Variants in IRAG1 observed in about 807,000 individuals in gnomAD.
IRAG1 encodes the protein inositol 1,4,5-triphosphate receptor associated 1, also known as IP3R-associated cGMP kinase substrate.
IRAG1 carries 62 observed loss-of-function variants against 106.2 expected under a neutral mutation model. The ratio of observed to expected loss-of-function variants is 0.58; its 90% CI spans 0.48 to 0.72. The LOEUF (loss-of-function observed/expected upper bound fraction) is 0.72, where lower values mean the gene tolerates loss of function less well. Among genes scored for constraint, IRAG1 ranks in the 30% least tolerant of loss-of-function variants. The pLI is 0.00. For synonymous variants in IRAG1, 462 were observed against 443.9 expected (o/e 1.04, Z -0.51); for missense variants, 1,064 against 1,140.7 (o/e 0.93, Z 0.97).
chr11:10,668,215 A>G (rs1486878116), intron 1 of IRAG1, among the ~76,000 whole-genome samples: 1 of 152,240 alleles, frequency 6.6e-6, no homozygotes, highest in Non-Finnish European at 1.5e-5. Flanking sequence ...GTTTAGTTGG[A>G]AACATAGACT....
chr11:10,614,646 C>A (rs915478114), intron 10 of IRAG1, among the ~76,000 whole-genome samples: 2 of 152,168 alleles, frequency 1.3e-5, no homozygotes, highest in South Asian at 2.1e-4. Context: ...CACACATCTA[C>A]AACCATCTGA....
At chr11:10,618,399 T>C (rs1855590892) in intron 10 of IRAG1, among the ~76,000 whole-genome samples, 1 of 152,216 alleles carries the variant, frequency 6.6e-6, no homozygotes, top group Non-Finnish European at 1.5e-5. Flanking sequence ...AGCTTATTCG[T>C]TCATACATTT....
At chr11:10,640,140 G>A (rs985042634) in intron 2 of IRAG1, among the ~76,000 whole-genome samples, 1 of 152,188 alleles carries the variant, frequency 6.6e-6, no homozygotes, top group Admixed American at 6.5e-5. Flanking sequence ...GCACGGGAGT[G>A]AGCTGCCTTC....
intron 9 of IRAG1, 116 bp downstream of exon 9, chr11:10,625,850 A>T: frequency 9.2e-7 from 1 of 1,092,180 alleles, no homozygotes; most frequent in Non-Finnish European, 1.2e-6. Flanking sequence ...CGCCCTCACA[A>T]GGCCCAAGTC....
rs903600506 is a variant in IRAG1, at chr11:10,626,595, A to G, written c.751-12T>C. 4 of 1,584,794 alleles carry G rather than the reference A, an allele frequency of 2.5e-6. No individual in the cohort carries two copies. The Admixed American group carries it at 5.2e-5, about 21-fold the overall frequency. On this transcript the variant is annotated splice_polypyrimidine_tract_variant and intron_variant, in intron 8 of 20. Transcript: ENST00000423302. ...CCTTTGGGGACGTTCTGAAAAAGACAAGGTAGAGCTGGAACCCTCGGGGGC... is the reference window on the plus strand; with the variant it reads ...CCTTTGGGGACGTTCTGAAAAAGACGAGGTAGAGCTGGAACCCTCGGGGGC...
intron 13 of IRAG1, among the ~76,000 whole-genome samples, chr11:10,604,077 G>C (rs1032884402): frequency 7.9e-5 from 12 of 152,350 alleles, no homozygotes; most frequent in African/African-American, 2.9e-4. Flanking sequence ...TGCAGGGCCT[G>C]GGCCACAGTT....
chr11:10,690,077 A>G (rs1861944533), intron 1 of IRAG1, among the ~76,000 whole-genome samples: 1 of 152,316 alleles, frequency 6.6e-6, no homozygotes, highest in South Asian at 2.1e-4. Flanking sequence ...CTTTTTTTAC[A>G]TGTCTTCTCC....
At chr11:10,592,034 C>A (rs1383514200) in intron 17 of IRAG1, among the ~76,000 whole-genome samples, 1 of 152,160 alleles carries the variant, frequency 6.6e-6, no homozygotes, top group Non-Finnish European at 1.5e-5. Context: ...GCTCCAGGTA[C>A]AATTCTCAGG....
Position 10,593,525 on chromosome 11 carries a change from G to A in IRAG1, c.2142C>T (p.Pro714=). ...FNALNLPGQT[P]SSSSIPSLPA... ...GTAAGGAGGGAATGGATGATGAGCTGGGAGTTTGGCCAGGCAGATTCAGGG... is the reference window on the plus strand; with the variant it reads ...GTAAGGAGGGAATGGATGATGAGCTAGGAGTTTGGCCAGGCAGATTCAGGG... The change falls in exon 17 of 21, where the codon CCC becomes CCT. Residue 714 remains proline, a synonymous_variant. Coordinates refer to ENST00000423302, the MANE Select transcript of IRAG1 (RefSeq NM_130385.4). The A allele has an allele frequency of 1.9e-6, 3 of 1,613,780 alleles. No homozygotes were observed. The East Asian group carries it at 6.7e-5, about 36-fold the overall frequency.
intron 19 of IRAG1, among the ~76,000 whole-genome samples, chr11:10,581,303 T>C (rs1165611804): frequency 6.6e-6 from 1 of 152,004 alleles, no homozygotes; most frequent in Non-Finnish European, 1.5e-5. Context: ...AGGAGACGCA[T>C]AGGGCACCAT....
In IRAG1 at chr11:10,622,876, G is replaced by GACACACAC. The variant is rs10525799; in HGVS notation, c.1447+894_1447+901dup. ...GTGCCAGGCATTGTTGTAAGCAGTG[G>GACACACAC]ACACACACACACACACACACACACA... is the stretch of plus-strand genomic sequence containing the variant. On this transcript the variant is annotated intron_variant, in intron 10 of 20. Transcript: ENST00000423302. Among the ~76,000 whole-genome samples the GACACACAC allele has an allele frequency of 5.1e-3, 721 of 141,484 alleles. 13 individuals carry two copies. Among genetic ancestry groups the GACACACAC allele is most frequent in the African/African-American group, 0.017 (657 of 38,558 alleles). 92.8% of individuals were successfully genotyped at this position (141,484 alleles called of 152,430 possible). A position where few individuals can be genotyped will look rare whatever the true frequency, so the allele number is the denominator to read the frequency against.
chr11:10,628,922 A>ATAC lies in IRAG1; in HGVS notation c.575-95_575-94insGTA. 8.1e-7 allele frequency: 1 copy of ATAC among 1,241,318 alleles called. No homozygotes were observed. Among genetic ancestry groups the ATAC allele is most frequent in the Non-Finnish European group, 1.1e-6 (1 of 884,756 alleles). 76.9% of individuals were successfully genotyped at this position (1,241,318 alleles called of 1,614,324 possible). A position where few individuals can be genotyped will look rare whatever the true frequency, so the allele number is the denominator to read the frequency against. ...TTTTAGGTATTCCCAGGCCCTGGGA[A>ATAC]CTGGGTCTGCCTTGCTGGGCTCAGG... On this transcript the variant is annotated intron_variant, in intron 5 of 20. Transcript: ENST00000423302. This position sits in a 1 kb window ranked among gnomAD's most constrained non-coding sequence, Gnocchi z 4.1.
At position 10,591,599 on chromosome 11, in the gene IRAG1, T is replaced by C. The variant is rs750640992; in HGVS notation, c.2189A>G (p.Asn730Ser). 5.6e-6 allele frequency: 9 copies of C among 1,595,864 alleles called. No homozygotes were observed. Among genetic ancestry groups the C allele is most frequent in the South Asian group, 1.1e-5 (1 of 87,554 alleles). The change falls in exon 18 of 21, where the codon AAT becomes AGT. Residue 730 changes from asparagine to serine, a missense_variant. Transcript: ENST00000423302. ...AGTGACAGGTAGGCTGCCTTTCCCA[T>C]TGGGTGATTCCGACTGAGTGAAAAA... Reference protein sequence around the residue: ...PSLPALSESPNGKGSLPVTSA... With the variant: ...PSLPALSESPSGKGSLPVTSA...
Position 10,629,575 on chromosome 11 carries a change from C to T in IRAG1, c.537G>A (p.Gly179=). 6.2e-7 allele frequency: 1 copy of T among 1,613,964 alleles called. No individual in the cohort carries two copies. Among genetic ancestry groups the T allele is most frequent in the South Asian group, 1.1e-5 (1 of 91,084 alleles). The change falls in exon 5 of 21, where the codon GGG becomes GGA. Residue 179 remains glycine, a synonymous_variant. Transcript: ENST00000423302. The part of the protein sequence containing the change: ...LVSERFLTRR[G]RKSRSSPGDS... ...CTCCGGGGCTGCTCCTGGACTTCCTCCCACGGCGGGTCAGGAATCGCTCAC... is the reference window on the plus strand; with the variant it reads ...CTCCGGGGCTGCTCCTGGACTTCCTTCCACGGCGGGTCAGGAATCGCTCAC...
intron 2 of IRAG1, among the ~76,000 whole-genome samples, chr11:10,645,877 A>G (rs1857900323): frequency 6.6e-6 from 1 of 152,220 alleles, no homozygotes; most frequent in African/African-American, 2.4e-5. Context: ...CGAGAATTAA[A>G]TGAGATAATG....
At chr11:10,624,974 C>T (rs1002146695) in intron 9 of IRAG1, among the ~76,000 whole-genome samples, 2 of 152,136 alleles carry the variant, frequency 1.3e-5, no homozygotes, top group South Asian at 2.1e-4. Context: ...CTGTTTGATC[C>T]GCTAGTTAGT....
At chr11:10,661,160 C>T (rs933163698) in intron 1 of IRAG1, among the ~76,000 whole-genome samples, 3 of 152,174 alleles carry the variant, frequency 2.0e-5, no homozygotes, top group African/African-American at 7.2e-5. Context: ...AACCTTTGTA[C>T]ACCTTATGCC....
chr11:10,609,808 T>C lies in IRAG1; in HGVS notation c.1491A>G (p.Ser497=). 14 of 1,613,998 alleles carry C rather than the reference T, an allele frequency of 8.7e-6. No homozygotes were observed. The highest frequency in any genetic ancestry group is 1.2e-5 in the Non-Finnish European group (14 of 1,179,882). The stretch of plus-strand genomic sequence containing the variant: ...TAGGCATGACATCTAAGCCACTCTT[T>C]GACTCTTCTTCCTCAATAGCTGGGG... ...ELSPAIEEEE[S]KSGLDVMPNI... is the part of the protein sequence containing the mutation. Residue 497 remains serine, a synonymous_variant, in exon 11 of 21, where the codon TCA becomes TCG. Coordinates refer to ENST00000423302, the MANE Select transcript of IRAG1 (RefSeq NM_130385.4).
chr11:10,601,474 G>T (rs969674886), intron 14 of IRAG1, among the ~76,000 whole-genome samples: 1 of 152,160 alleles, frequency 6.6e-6, no homozygotes, highest in Admixed American at 6.5e-5. Flanking sequence ...ATGTAGATGA[G>T]GTTTTATCCT....
Sources: allele counts gnomAD v4.1 joint callset (sites outside exome capture counted in the v4.1 genomes callset), GRCh38; gene constraint gnomAD v4.1.1; non-coding constraint Gnocchi (gnomAD v3.1); transcripts MANE v1.5; gene names NCBI Gene and HGNC (gene_info 2026-07-23, HGNC 2026-07-21).